DHX35: variants seen among roughly 807,000 people sequenced by gnomAD.
The protein encoded by DHX35 is DEAH-box helicase 35, also known as probable ATP-dependent RNA helicase DHX35.
A neutral mutation model predicts 99.6 loss-of-function variants in DHX35; 84 were observed. That is an observed-to-expected ratio of 0.84 (90% confidence interval 0.71 to 1.01). The LOEUF is 1.01. Ranked by LOEUF, DHX35 falls within the 50% of genes least tolerant of loss-of-function variation. DHX35 has a pLI of 0.00. For synonymous variants in DHX35, 331 were observed against 316.2 expected, an observed-to-expected ratio of 1.05 and a Z score of -0.50; for missense variants, 852 against 888.5, an observed-to-expected ratio of 0.96 and a Z score of 0.52.
intron 13 of DHX35, among the ~76,000 whole-genome samples, chr20:39,012,909 C>T (rs2145916797): frequency 6.6e-6 from 1 of 152,232 alleles, no homozygotes; most frequent in East Asian, 1.9e-4. Flanking sequence ...AAAGTAAATT[C>T]CTCCCATGTT....
chr20:39,003,540 TA>T (rs1851253419), intron 10 of DHX35, among the ~76,000 whole-genome samples: 1 of 152,238 alleles, frequency 6.6e-6, no homozygotes, highest in Non-Finnish European at 1.5e-5. Context: ...TAGTAACTAA[TA>T]GTGTAGTTGC....
chr20:39,018,374 C>T (rs188937689), intron 14 of DHX35, among the ~76,000 whole-genome samples: 306 of 152,086 alleles, frequency 2.0e-3, no homozygotes, highest in African/African-American at 7.0e-3. Flanking sequence ...CAAGAAGCAG[C>T]GGCCAGCAGA....
chr20:39,010,718 C>G (rs1378647656), intron 13 of DHX35, among the ~76,000 whole-genome samples: 4 of 152,126 alleles, frequency 2.6e-5, no homozygotes, highest in Non-Finnish European at 5.9e-5. Context: ...ACCTGAAACC[C>G]AAATAGAATC....
chr20:38,996,420 G>T (rs2086430041), intron 8 of DHX35, among the ~76,000 whole-genome samples: 2 of 152,338 alleles, frequency 1.3e-5, no homozygotes, highest in South Asian at 4.1e-4. Context: ...GGAGGTTGGG[G>T]TCAGATGACG....
At chr20:39,020,217 G>A (rs1485081298) in intron 15 of DHX35, among the ~76,000 whole-genome samples, 1 of 152,234 alleles carries the variant, frequency 6.6e-6, no homozygotes. Flanking sequence ...ATATGGGAAT[G>A]CAGATATCTC....
At chr20:39,011,256 G>GT (rs1187137257) in intron 13 of DHX35, among the ~76,000 whole-genome samples, 2,208 of 142,882 alleles carry the variant, frequency 0.015, 50 homozygotes, top group African/African-American at 0.049. Context: ...ATATTTTACT[G>GT]TTTTTTTTTT....
chr20:39,010,161 C>T (rs2086678278), intron 12 of DHX35, 119 bp from the exon 13 acceptor site: 2 of 1,367,118 alleles, frequency 1.5e-6, no homozygotes, highest in South Asian at 2.4e-5. Context: ...TCATGTGCAT[C>T]TGCTTCTAGA....
chr20:38,986,270 G>A (rs1601387481), intron 4 of DHX35, among the ~76,000 whole-genome samples: 1 of 151,390 alleles, frequency 6.6e-6, no homozygotes, highest in Non-Finnish European at 1.5e-5. Context: ...TAGTTGATGA[G>A]GTTATTGGGA....
intron 14 of DHX35, among the ~76,000 whole-genome samples, chr20:39,016,797 T>C (rs1288400281): frequency 6.6e-6 from 1 of 152,098 alleles, no homozygotes; most frequent in South Asian, 2.1e-4. Flanking sequence ...GTGTGCTTGC[T>C]GCCCATTTGT....
At chr20:39,002,315 C>A (rs1305878188) in intron 9 of DHX35, among the ~76,000 whole-genome samples, 1 of 152,196 alleles carries the variant, frequency 6.6e-6, no homozygotes, top group Non-Finnish European at 1.5e-5. Context: ...GGAGCCTGTT[C>A]CAGTGGCTGA....
intron 13 of DHX35, among the ~76,000 whole-genome samples, chr20:39,012,151 A>G (rs904684761): frequency 2.6e-4 from 40 of 152,294 alleles, no homozygotes; most frequent in African/African-American, 8.7e-4. Context: ...GGGAGGCTTG[A>G]GGCAGGAGAA....
chr20:39,007,271 T>C (rs1170397074), intron 12 of DHX35, among the ~76,000 whole-genome samples: 9 of 152,344 alleles, frequency 5.9e-5, no homozygotes, highest in Admixed American at 3.3e-4. Context: ...GCACCTGCTG[T>C]ATGCTGGCCA....
intron 20 of DHX35, among the ~76,000 whole-genome samples, chr20:39,031,758 G>A (rs1217744924): frequency 6.6e-6 from 1 of 152,224 alleles, no homozygotes; most frequent in Non-Finnish European, 1.5e-5. Flanking sequence ...AGTCAGGGCA[G>A]GCTTCATGGA....
chr20:38,968,003 C>A (rs979068027), intron 1 of DHX35, among the ~76,000 whole-genome samples: 2 of 152,200 alleles, frequency 1.3e-5, no homozygotes, highest in Middle Eastern at 3.4e-3. Context: ...CTCTCCATAG[C>A]ACTTATGACC....
Position 39,038,750 on chromosome 20 carries a change from G to T in DHX35, c.*207G>T. 3.3e-6 allele frequency: 2 copies of T among 600,698 alleles called. No individual in the cohort carries two copies. Among genetic ancestry groups the T allele is most frequent in the Non-Finnish European group, 5.9e-6 (2 of 339,562 alleles). The allele number at this position is 600,698 out of a possible 1,614,324, so 37.2% of individuals were successfully genotyped here. A position where few individuals can be genotyped will look rare whatever the true frequency, so the allele number is the denominator to read the frequency against. The stretch of plus-strand genomic sequence containing the variant: ...GGATCCTGGAGGACTTTGTGCATGG[G>T]CAGGCATCCTTCTGTGCTGCAGCGG... On this transcript the variant is annotated 3_prime_UTR_variant, in exon 22 of 22. Transcript: ENST00000252011.
rs554901954 is a variant in DHX35, at chr20:38,981,371, C to G, written c.268-2328C>G. ...AGGAAGAACTGTGCTTTCTTCCTCA[C>G]TTATTTCTTAGATTATTTGCGTGTA... On this transcript the variant is annotated intron_variant, in intron 3 of 21. Coordinates refer to ENST00000252011, the MANE Select transcript of DHX35 (RefSeq NM_021931.4). 1.3e-4 allele frequency among the ~76,000 whole-genome samples: 20 copies of G among 152,188 alleles called. No individual in the cohort carries two copies. In the South Asian group the frequency reaches 3.9e-3, roughly 30 times the overall value.
intron 18 of DHX35, among the ~76,000 whole-genome samples, chr20:39,026,899 T>C (rs2086966484): frequency 6.6e-6 from 1 of 152,162 alleles, no homozygotes; most frequent in African/African-American, 2.4e-5. Flanking sequence ...ATGACAGCCT[T>C]ACTTCAGCAA....
intron 3 of DHX35, among the ~76,000 whole-genome samples, chr20:38,974,488 T>C (rs2086047427): frequency 6.6e-6 from 1 of 152,222 alleles, no homozygotes; most frequent in South Asian, 2.1e-4. Flanking sequence ...ACAGTGCTAG[T>C]ATTAAATGTG....
At chr20:39,025,795 A>G (rs772308227) in intron 18 of DHX35, among the ~76,000 whole-genome samples, 1 of 152,206 alleles carries the variant, frequency 6.6e-6, no homozygotes, top group African/African-American at 2.4e-5. Flanking sequence ...TAAAGGTAAG[A>G]CAGAAAAGTA....
Sources: gnomAD v4.1 joint callset for allele counts (sites outside exome capture counted in the v4.1 genomes callset) on GRCh38, gnomAD v4.1.1 for gene constraint, MANE v1.5 for transcripts, NCBI Gene and HGNC (gene_info 2026-07-23, HGNC 2026-07-21) for gene names.